Variants in BGLAP observed in about 807,000 individuals in gnomAD.
The protein encoded by BGLAP is bone gamma-carboxyglutamate protein.
In BGLAP, 15 loss-of-function variants were observed where a neutral mutation model predicts 13.7. That is an observed-to-expected ratio of 1.09 (90% CI 0.73 to 1.68). BGLAP has a LOEUF of 1.68. BGLAP is among the 40% of genes most tolerant of loss of function. The pLI, the probability that BGLAP is intolerant of heterozygous loss-of-function variation, is 0.00. For missense variants in BGLAP, 120 were observed against 134.3 expected (o/e 0.89, Z 0.53); for synonymous variants, 67 against 56.2 (o/e 1.19, Z -0.86).
At position 156,242,599 on chromosome 1, in the gene BGLAP, G is replaced by A; in HGVS notation, c.103+8G>A. 6.4e-7 allele frequency: 1 copy of A among 1,560,056 alleles called. No homozygotes were observed. Among genetic ancestry groups the A allele is most frequent in the Non-Finnish European group, 8.7e-7 (1 of 1,151,514 alleles). On this transcript the variant is annotated splice_region_variant and intron_variant, in intron 2 of 3. Coordinates refer to ENST00000368272, the MANE Select transcript of BGLAP (RefSeq NM_199173.6). ...AGTCCAGCAAAGGTGCAGGTATGAGGATGGACCTGATGGGTTCCTGGACCC... is the reference window on the plus strand; with the variant it reads ...AGTCCAGCAAAGGTGCAGGTATGAGAATGGACCTGATGGGTTCCTGGACCC...
intron 1 of BGLAP, 86 bp downstream of exon 1, chr1:156,242,381 G>A: frequency 6.4e-7 from 1 of 1,556,430 alleles, no homozygotes; most frequent in South Asian, 1.2e-5. Context: ...TCACCCCTTT[G>A]GCTGGCAGTC....
intron 3 of BGLAP, 101 bp downstream of exon 3, chr1:156,242,932 C>T (rs1016068977): frequency 3.8e-6 from 6 of 1,582,014 alleles, no homozygotes; most frequent in Admixed American, 1.8e-5. Context: ...GGTGGGGGTA[C>T]AGGCAGCCTG....
Position 156,242,224 on chromosome 1 carries a change from G to T in BGLAP, c.-8G>T. 6.2e-7 allele frequency: 1 copy of T among 1,612,564 alleles called. No homozygotes were observed. ...TGAGCAGCAGCCCAGCGCAGCCACC[G>T]AGACACCATGAGAGCCCTCACACTC... On this transcript the variant is annotated 5_prime_UTR_variant, in exon 1 of 4. Coordinates refer to ENST00000368272, the MANE Select transcript of BGLAP (RefSeq NM_199173.6).
intron 2 of BGLAP, 59 bp from the exon 3 acceptor site, chr1:156,242,703 C>CT: frequency 6.2e-7 from 1 of 1,604,828 alleles, no homozygotes; most frequent in Non-Finnish European, 8.5e-7. Context: ...GGCCAGCCTG[C>CT]TCCCCACCTG....
In BGLAP at chr1:156,243,255, C is replaced by A; in HGVS notation, c.*93C>A. The A allele has an allele frequency of 1.3e-6, 2 of 1,574,490 alleles. No homozygotes were observed. Among genetic ancestry groups the A allele is most frequent in the Non-Finnish European group, 1.7e-6 (2 of 1,162,762 alleles). ...TCCCCTTGCCCTTGCCCTGACCTCC[C>A]AGCCCTATGGATGTGGGGTCCCCAT... On this transcript the variant is annotated 3_prime_UTR_variant, in exon 4 of 4. Coordinates refer to ENST00000368272, the MANE Select transcript of BGLAP (RefSeq NM_199173.6).
intron 1 of BGLAP, 23 bp downstream of exon 1, chr1:156,242,318 A>G (rs771773621): frequency 1.5e-5 from 24 of 1,610,184 alleles, no homozygotes; most frequent in Non-Finnish European, 2.0e-5. Context: ...ACCTCCCCTC[A>G]GGCCGCATTG....
intron 1 of BGLAP, 114 bp downstream of exon 1, chr1:156,242,409 C>A (rs1160094023): frequency 1.3e-6 from 2 of 1,542,476 alleles, no homozygotes; most frequent in African/African-American, 2.7e-5. Context: ...AGTCTAACCA[C>A]CTTGTTGCAG....
chr1:156,242,509 C>T (rs1005871870), intron 1 of BGLAP, 44 bp from the exon 2 acceptor site: 19 of 1,551,510 alleles, frequency 1.2e-5, no homozygotes, highest in African/African-American at 8.2e-5. Context: ...GGATGAGGGC[C>T]CTGGGGATGA....
chr1:156,242,575 G>C lies in BGLAP; in HGVS notation c.87G>C (p.Glu29Asp). The change falls in exon 2 of 4, where the codon GAG becomes GAC. Residue 29 changes from glutamate (E) to aspartate (D), a missense_variant. Physicochemically the swap from Glu to Asp is conservative, Grantham distance 45. Transcript: ENST00000368272. ...GQAGAKPSGA[E>D]SSKGAAFVSK... Reference sequence around the variant, plus strand: ...CAGGTGCGAAGCCCAGCGGTGCAGAGTCCAGCAAAGGTGCAGGTATGAGGA... The same window carrying C: ...CAGGTGCGAAGCCCAGCGGTGCAGACTCCAGCAAAGGTGCAGGTATGAGGA... The C allele has an allele frequency of 6.4e-7, 1 of 1,553,944 alleles. No homozygotes were observed. Among genetic ancestry groups the C allele is most frequent in the Non-Finnish European group, 8.7e-7 (1 of 1,148,098 alleles).
At chr1:156,242,526 G>T (rs1163245659) in intron 1 of BGLAP, 27 bp from the exon 2 acceptor site, 3 of 1,551,702 alleles carry the variant, frequency 1.9e-6, no homozygotes, top group African/African-American at 2.7e-5. Flanking sequence ...ATGAGCTGGG[G>T]TGAACCAGGC....
intron 1 of BGLAP, 42 bp from the exon 2 acceptor site, chr1:156,242,511 T>C (rs1173291699): frequency 1.4e-5 from 21 of 1,551,514 alleles, no homozygotes; most frequent in Non-Finnish European, 1.7e-5. Flanking sequence ...ATGAGGGCCC[T>C]GGGGATGAGC....
In BGLAP at chr1:156,242,259, T is replaced by A. The variant is rs1308103093; in HGVS notation, c.28T>A (p.Leu10Met). ...GAGAGCCCTCACACTCCTCGCCCTATTGGCCCTGGCCGCACTTTGCATCGC... is the reference window on the plus strand; with the variant it reads ...GAGAGCCCTCACACTCCTCGCCCTAATGGCCCTGGCCGCACTTTGCATCGC... MRALTLLAL[L>M]ALAALCIAGQ... Residue 10 changes from leucine to methionine, a missense_variant, in exon 1 of 4, where the codon TTG becomes ATG. Transcript: ENST00000368272. 1 of 1,612,882 alleles carries A rather than the reference T, an allele frequency of 6.2e-7. No homozygotes were observed. The highest frequency in any genetic ancestry group is 1.3e-5 in the African/African-American group (1 of 74,616).
At position 156,243,103 on chromosome 1, in the gene BGLAP, G is replaced by A. The variant is rs115631152; in HGVS notation, c.244G>A (p.Glu82Lys). 1.0e-3 allele frequency: 1,616 copies of A among 1,614,140 alleles called. 15 individuals carry two copies. The African/African-American group carries it at 0.019, about 19-fold the overall frequency. Residue 82 changes from glutamate (E) to lysine (K), a missense_variant, in exon 4 of 4, where the codon GAG becomes AAG. Coordinates refer to ENST00000368272, the MANE Select transcript of BGLAP (RefSeq NM_199173.6). Reference protein sequence around the residue: ...EVCELNPDCDELADHIGFQEA... With the variant: ...EVCELNPDCDKLADHIGFQEA... ...GTGTGAGCTCAATCCGGACTGTGAC[G>A]AGTTGGCTGACCACATCGGCTTTCA...
At chr1:156,242,875 G>T (rs1490410847) in intron 3 of BGLAP, 44 bp downstream of exon 3, 1 of 1,572,436 alleles carries the variant, frequency 6.4e-7, no homozygotes, top group African/African-American at 1.3e-5. Flanking sequence ...GCCTCTCCGG[G>T]ATGGTCTGTG....
At position 156,242,283 on chromosome 1, in the gene BGLAP, G is replaced by C. The variant is rs770037751; in HGVS notation, c.52G>C (p.Ala18Pro). The change falls in exon 1 of 4, where the codon GCT becomes CCT. Residue 18 changes from alanine (A) to proline (P), a missense_variant. Transcript: ENST00000368272. Reference sequence around the variant, plus strand: ...ATTGGCCCTGGCCGCACTTTGCATCGCTGGCCAGGCAGGTGAGTGCCCCCA... The same window carrying C: ...ATTGGCCCTGGCCGCACTTTGCATCCCTGGCCAGGCAGGTGAGTGCCCCCA... ...ALLALAALCI[A>P]GQAGAKPSGA... The C allele has an allele frequency of 1.2e-6, 2 of 1,612,968 alleles. No homozygotes were observed. The highest frequency in any genetic ancestry group is 2.7e-5 in the African/African-American group (2 of 74,840).
At chr1:156,242,423 C>T in intron 1 of BGLAP, 128 bp downstream of exon 1, 2 of 1,543,202 alleles carry the variant, frequency 1.3e-6, no homozygotes, top group Non-Finnish European at 1.8e-6. Flanking sequence ...GTTGCAGGCT[C>T]AATCCATTTG....
chr1:156,242,674 C>G (rs141715694), intron 2 of BGLAP, 83 bp downstream of exon 2: 1 of 1,609,560 alleles, frequency 6.2e-7, no homozygotes, highest in Non-Finnish European at 8.5e-7. Context: ...CCTGCCACCT[C>G]CTGTCTGGCC....
chr1:156,242,270 C>CGCACT lies in BGLAP; in HGVS notation c.40_44dup (p.Cys16HisfsTer32). The CGCACT allele has an allele frequency of 6.2e-7, 1 of 1,613,588 alleles. No homozygotes were observed. On this transcript the variant is annotated frameshift_variant, in exon 1 of 4. Coordinates refer to ENST00000368272, the MANE Select transcript of BGLAP (RefSeq NM_199173.6). LOFTEE classifies it high-confidence loss of function. ...CACTCCTCGCCCTATTGGCCCTGGC[C>CGCACT]GCACTTTGCATCGCTGGCCAGGCAG... is the stretch of plus-strand genomic sequence containing the variant.
Position 156,242,209 on chromosome 1 carries a change from C to T in BGLAP, c.-23C>T, listed in dbSNP as rs776857257. ...AGGCCAGCTGAGTCCTGAGCAGCAG[C>T]CCAGCGCAGCCACCGAGACACCATG... is the stretch of plus-strand genomic sequence containing the variant. On this transcript the variant is annotated 5_prime_UTR_variant, in exon 1 of 4. Coordinates refer to ENST00000368272, the MANE Select transcript of BGLAP (RefSeq NM_199173.6). 17 of 1,609,356 alleles carry T rather than the reference C, an allele frequency of 1.1e-5. No homozygotes were observed. In the South Asian group the frequency reaches 1.8e-4, roughly 17 times the overall value.
Sources: allele counts gnomAD v4.1 joint callset, GRCh38; gene constraint gnomAD v4.1.1; transcripts MANE v1.5; gene names NCBI Gene and HGNC (gene_info 2026-07-23, HGNC 2026-07-21).